Variants in PTPN11 observed in about 807,000 individuals in gnomAD.
PTPN11 encodes the protein protein tyrosine phosphatase non-receptor type 11.
PTPN11 carries 6 observed loss-of-function variants against 78.8 expected under a neutral mutation model. That is an observed-to-expected ratio of 0.08 (90% CI 0.04 to 0.15). The LOEUF (loss-of-function observed/expected upper bound fraction) is 0.15. Among genes scored for constraint, PTPN11 ranks in the 10% least tolerant of loss-of-function variants. PTPN11 has a pLI of 1.00. For synonymous variants in PTPN11, 221 were observed against 263.5 expected (o/e 0.84, Z 1.56); for missense variants, 386 against 744.8 (o/e 0.52, Z 5.61).
In PTPN11 at chr12:112,484,235, A is replaced by G. The variant is rs145502429; in HGVS notation, c.1224+2030A>G. Among the ~76,000 whole-genome samples, 75 of 152,364 alleles carry G rather than the reference A, an allele frequency of 4.9e-4. No individual in the cohort carries two copies. The East Asian group carries it at 0.014, about 29-fold the overall frequency. ...AAAGATGAAATCGTAATTGTGTAGC[A>G]GGGCAAGAAGTCCAGAAATTTCTGT... On this transcript the variant is annotated intron_variant, in intron 10 of 15. Transcript: ENST00000351677.
intron 1 of PTPN11, among the ~76,000 whole-genome samples, chr12:112,443,240 T>C (rs535299746): frequency 2.6e-4 from 40 of 152,240 alleles, no homozygotes; most frequent in Middle Eastern, 6.8e-3. Flanking sequence ...TTTGTTTGTT[T>C]TGGTCCATTA....
chr12:112,471,454 A>AAGAGAG (rs56070053), intron 6 of PTPN11, among the ~76,000 whole-genome samples: 3,033 of 126,316 alleles, frequency 0.024, 82 homozygotes, highest in African/African-American at 0.064. Flanking sequence ...GATAAACAGA[A>AAGAGAG]AGAGAGAGAG....
intron 14 of PTPN11, among the ~76,000 whole-genome samples, chr12:112,503,380 TTC>T (rs1041628690): frequency 2.0e-5 from 3 of 152,252 alleles, no homozygotes; most frequent in African/African-American, 4.8e-5. Flanking sequence ...CCTAAGAATC[TTC>T]TCTCTGTTTG....
At chr12:112,436,892 G>T (rs746551940) in intron 1 of PTPN11, among the ~76,000 whole-genome samples, 5 of 152,032 alleles carry the variant, frequency 3.3e-5, no homozygotes, top group Middle Eastern at 6.8e-3. Flanking sequence ...ACCATTTAAT[G>T]AATAATTAAA....
chr12:112,440,515 C>T (rs2037869244), intron 1 of PTPN11, among the ~76,000 whole-genome samples: 4 of 148,646 alleles, frequency 2.7e-5, no homozygotes, highest in South Asian at 4.3e-4. Context: ...CCGCCTGCCT[C>T]GGCCTCCCAA....
At chr12:112,478,687 A>C (rs1024240726) in intron 9 of PTPN11, among the ~76,000 whole-genome samples, 1 of 152,186 alleles carries the variant, frequency 6.6e-6, no homozygotes, top group East Asian at 1.9e-4. Context: ...TCCTTTTAAC[A>C]TGTGTAGCAT....
chr12:112,423,440 C>T (rs1766022856), intron 1 of PTPN11, among the ~76,000 whole-genome samples: 1 of 151,928 alleles, frequency 6.6e-6, no homozygotes, highest in South Asian at 2.1e-4. Context: ...TGCGTGCCAC[C>T]ATGTCTGGCT....
At chr12:112,467,273 G>C (rs896876891) in intron 6 of PTPN11, among the ~76,000 whole-genome samples, 1 of 152,092 alleles carries the variant, frequency 6.6e-6, no homozygotes, top group African/African-American at 2.4e-5. Flanking sequence ...AGATGTGTTA[G>C]GCTGTTTTGC....
chr12:112,482,044 T>A lies in PTPN11; in HGVS notation c.1093-30T>A. 6.5e-7 allele frequency: 1 copy of A among 1,536,544 alleles called. No individual in the cohort carries two copies. Among genetic ancestry groups the A allele is most frequent in the Non-Finnish European group, 9.0e-7 (1 of 1,110,402 alleles). On this transcript the variant is annotated intron_variant, in intron 9 of 15. Coordinates refer to ENST00000351677, the MANE Select transcript of PTPN11 (RefSeq NM_002834.5). This position sits in a 1 kb window ranked among gnomAD's most constrained non-coding sequence, Gnocchi z 4.4. ...GGCTTTTATTTCAGAGTTCACAGAATTAACTTTCTTTTTTTCTGATCTCTT... is the reference window on the plus strand; with the variant it reads ...GGCTTTTATTTCAGAGTTCACAGAAATAACTTTCTTTTTTTCTGATCTCTT...
At chr12:112,496,290 G>T (rs1021898835) in intron 13 of PTPN11, among the ~76,000 whole-genome samples, 4 of 152,042 alleles carry the variant, frequency 2.6e-5, no homozygotes, top group African/African-American at 9.7e-5. Flanking sequence ...CTCTACTTTG[G>T]CATTACAAAA....
chr12:112,469,682 T>C (rs1194050930), intron 6 of PTPN11, among the ~76,000 whole-genome samples: 1 of 152,030 alleles, frequency 6.6e-6, no homozygotes, highest in Non-Finnish European at 1.5e-5. Context: ...TCCCAGCTAA[T>C]TTTCATATTT....
In PTPN11 at chr12:112,489,127, G is replaced by A. The variant is rs727504377; in HGVS notation, c.1551G>A (p.Ala517=). The change falls in exon 13 of 16, where the codon GCG becomes GCA. Residue 517 remains alanine (A), a synonymous_variant. Transcript: ENST00000351677. Reference sequence around the variant, plus strand: ...CACAGTACCGATTTATCTATATGGCGGTCCAGCATTATATTGAAACACTAC... The same window carrying A: ...CACAGTACCGATTTATCTATATGGCAGTCCAGCATTATATTGAAACACTAC... The part of the protein sequence containing the change: ...TEAQYRFIYM[A]VQHYIETLQR... The A allele has an allele frequency of 1.9e-5, 31 of 1,614,042 alleles. No individual in the cohort carries two copies. The highest frequency in any genetic ancestry group is 3.3e-4 in the Middle Eastern group (2 of 6,082).
In PTPN11 at chr12:112,432,668, C is replaced by CAA. The variant is rs558861452; in HGVS notation, c.14+13560_14+13561dup. ...TAGATGACAAGGCAAAACTCCATCT[C>CAA]AAAAAAAAAAAAAAAAAAGAATATT... On this transcript the variant is annotated intron_variant, in intron 1 of 15. Coordinates refer to ENST00000351677, the MANE Select transcript of PTPN11 (RefSeq NM_002834.5). Among the ~76,000 whole-genome samples, 16 of 60,210 alleles carry CAA rather than the reference C, an allele frequency of 2.7e-4. No homozygotes were observed. The South Asian group carries it at 4.0e-3, about 15-fold the overall frequency. The allele number at this position is 60,210 out of a possible 152,430, so 39.5% of individuals were successfully genotyped here.
chr12:112,486,071 G>A (rs2038670040), intron 10 of PTPN11, among the ~76,000 whole-genome samples: 1 of 151,834 alleles, frequency 6.6e-6, no homozygotes, highest in African/African-American at 2.4e-5. Flanking sequence ...AGGAATGAAT[G>A]TCTTAAGTGA....
chr12:112,453,069 C>A, intron 3 of PTPN11, 126 bp from the exon 4 acceptor site: 1 of 821,796 alleles, frequency 1.2e-6, no homozygotes, highest in Non-Finnish European at 2.0e-6. Flanking sequence ...ATTGATCAAT[C>A]CCTTGGAGGA....
At chr12:112,440,948 G>A (rs1012143420) in intron 1 of PTPN11, among the ~76,000 whole-genome samples, 3 of 150,126 alleles carry the variant, frequency 2.0e-5, no homozygotes, top group Admixed American at 1.3e-4. Context: ...TGAGCTTTAC[G>A]ATTTTTCTTT....
chr12:112,470,386 C>T (rs895675391), intron 6 of PTPN11, among the ~76,000 whole-genome samples: 14 of 152,186 alleles, frequency 9.2e-5, no homozygotes, highest in African/African-American at 2.9e-4. Flanking sequence ...ACCCTCACCC[C>T]GCCCCTTTGG....
intron 1 of PTPN11, among the ~76,000 whole-genome samples, chr12:112,439,075 A>G (rs2037840788): frequency 6.6e-6 from 1 of 152,226 alleles, no homozygotes; most frequent in South Asian, 2.1e-4. Context: ...CAACAACACT[A>G]TGACATGGGT....
Position 112,475,037 on chromosome 12 carries a change from C to G in PTPN11, c.853+1997C>G, listed in dbSNP as rs1257520849. Among the ~76,000 whole-genome samples the G allele has an allele frequency of 4.6e-5, 7 of 152,332 alleles. No homozygotes were observed. The South Asian group carries it at 6.2e-4, about 14-fold the overall frequency. On this transcript the variant is annotated intron_variant, in intron 7 of 15. Transcript: ENST00000351677. Reference sequence around the variant, plus strand: ...TTGCATGAGGATCTCAGAAACTGCACTAAACCAGTCACAGTTCCTCTCTCC... The same window carrying G: ...TTGCATGAGGATCTCAGAAACTGCAGTAAACCAGTCACAGTTCCTCTCTCC...
Sources: gnomAD v4.1 joint callset for allele counts (sites outside exome capture counted in the v4.1 genomes callset) on GRCh38, gnomAD v4.1.1 for gene constraint, Gnocchi (gnomAD v3.1) non-coding constraint, MANE v1.5 for transcripts, NCBI Gene and HGNC (gene_info 2026-07-23, HGNC 2026-07-21) for gene names.